The following TBC1D14 variants were observed in gnomAD, a reference collection of about 807,000 sequenced individuals.
TBC1D14 encodes the protein TBC1 domain family member 14, also known as TBC1 domain family, member 14.
Under a neutral mutation model 79.0 loss-of-function variants are expected in TBC1D14, and 26 were observed. The observed-to-expected ratio is 0.33, with a 90% CI of 0.24 to 0.46. The LOEUF is 0.46. Ranked by LOEUF, TBC1D14 falls within the 20% of genes least tolerant of loss-of-function variation. TBC1D14 has a pLI of 1.00. For synonymous variants in TBC1D14, 394 were observed against 349.9 expected, an observed-to-expected ratio of 1.13 and a Z score of -1.40; for missense variants, 769 against 887.6, an observed-to-expected ratio of 0.87 and a Z score of 1.70.
intron 3 of TBC1D14, among the ~76,000 whole-genome samples, chr4:6,978,041 C>T (rs1287905523): frequency 4.6e-5 from 7 of 151,676 alleles, no homozygotes; most frequent in African/African-American, 9.7e-5. Flanking sequence ...GCGACTCCGC[C>T]CGGCAGCCAC....
Position 6,977,077 on chromosome 4 carries a change from C to CTCCTCTCCCTCTCCCCACGG in TBC1D14, c.843+9655_843+9656insCTCTCCCTCTCCCCACGGTC. ...CTCCCTCTCCCTCCTCTCCCTCTCC[C>CTCCTCTCCCTCTCCCCACGG]TCTCCCTCTCCCCACTGTCTCCCTC... On this transcript the variant is annotated intron_variant, in intron 3 of 13. Coordinates refer to ENST00000409757, the MANE Select transcript of TBC1D14 (RefSeq NM_020773.3). Among the ~76,000 whole-genome samples, 30 of 11,426 alleles carry CTCCTCTCCCTCTCCCCACGG rather than the reference C, an allele frequency of 2.6e-3. 5 individuals carry two copies. Among genetic ancestry groups the CTCCTCTCCCTCTCCCCACGG allele is most frequent in the African/African-American group, 3.6e-3 (26 of 7,186 alleles). The allele number at this position is 11,426 out of a possible 152,430, so 7.5% of individuals were successfully genotyped here.
chr4:7,010,079 G>GTAAGTGAGT, intron 10 of TBC1D14, 131 bp downstream of exon 10: 1 of 997,254 alleles, frequency 1.0e-6, no homozygotes, highest in Non-Finnish European at 1.6e-6. Flanking sequence ...AAGTCTCGTG[G>GTAAGTGAGT]TAAGTGAGTT....
At chr4:6,995,836 ATTAAT>A (rs1354594206) in intron 4 of TBC1D14, 2 of 116,786 alleles carry the variant, frequency 1.7e-5, no homozygotes, top group African/African-American at 6.6e-5. Flanking sequence ...TATTTAATTA[ATTAAT>A]TTATTTATTT....
At chr4:6,979,493 C>T (rs759132167) in intron 3 of TBC1D14, among the ~76,000 whole-genome samples, 1 of 152,096 alleles carries the variant, frequency 6.6e-6, no homozygotes, top group African/African-American at 2.4e-5. Flanking sequence ...TGGTGATACA[C>T]ACCTGTAGTC....
At chr4:6,960,280 C>T (rs571719868) in intron 2 of TBC1D14, among the ~76,000 whole-genome samples, 2 of 147,244 alleles carry the variant, frequency 1.4e-5, no homozygotes, top group South Asian at 2.2e-4. Flanking sequence ...TTTGTAGAGA[C>T]AAGGTTTTGC....
chr4:6,953,089 A>G (rs1285526756), intron 2 of TBC1D14, among the ~76,000 whole-genome samples: 1 of 139,732 alleles, frequency 7.2e-6, no homozygotes, highest in African/African-American at 2.7e-5. Context: ...ACAATGGTGC[A>G]ATCTTGGCCC....
intron 3 of TBC1D14, among the ~76,000 whole-genome samples, chr4:6,990,247 C>T (rs948069872): frequency 6.6e-6 from 1 of 152,076 alleles, no homozygotes; most frequent in African/African-American, 2.4e-5. Context: ...TCAGGAGTTC[C>T]AGACCAGCCT....
At chr4:7,010,426 CGGGGTGGGAGCA>C (rs997808756) in intron 10 of TBC1D14, among the ~76,000 whole-genome samples, 102 of 142,350 alleles carry the variant, frequency 7.2e-4, no homozygotes, top group African/African-American at 1.6e-3. Context: ...TTTCCATTTG[CGGGGTGGGAGCA>C]GGGGTGGGAA....
chr4:7,003,909 C>A (rs1352260315), intron 7 of TBC1D14, among the ~76,000 whole-genome samples: 2 of 150,806 alleles, frequency 1.3e-5, no homozygotes, highest in Non-Finnish European at 2.9e-5. Flanking sequence ...GAGGCTGAGG[C>A]AAGAAAATTG....
chr4:7,012,301 C>CA (rs35439827), intron 11 of TBC1D14, among the ~76,000 whole-genome samples: 123 of 121,958 alleles, frequency 1.0e-3, no homozygotes, highest in Middle Eastern at 4.9e-3. Flanking sequence ...GACCCCATCT[C>CA]AAAAAAAAAA....
chr4:6,911,914 C>T (rs1723026694), intron 1 of TBC1D14, among the ~76,000 whole-genome samples: 2 of 152,094 alleles, frequency 1.3e-5, no homozygotes, highest in South Asian at 2.1e-4. Flanking sequence ...CATAACGCAA[C>T]AGGATTTTAG....
chr4:6,925,585 T>C (rs111442248), intron 2 of TBC1D14, among the ~76,000 whole-genome samples: 2,463 of 152,184 alleles, frequency 0.016, 80 homozygotes, highest in African/African-American at 0.056. Context: ...TGTGGTGTGG[T>C]CTGTGGTTTT....
At chr4:7,022,990 T>A (rs189905947) in intron 12 of TBC1D14, among the ~76,000 whole-genome samples, 3 of 152,308 alleles carry the variant, frequency 2.0e-5, no homozygotes, top group Admixed American at 6.5e-5. Context: ...GCGTGGTGGC[T>A]CACGCCTGTA....
intron 12 of TBC1D14, among the ~76,000 whole-genome samples, chr4:7,016,082 T>G (rs531453596): frequency 1.3e-5 from 2 of 152,354 alleles, no homozygotes; most frequent in Non-Finnish European, 2.9e-5. Context: ...TAAAGCAGCC[T>G]TGTCTGTGCC....
chr4:7,025,641 G>A (rs1267372561), intron 13 of TBC1D14, among the ~76,000 whole-genome samples: 1 of 152,276 alleles, frequency 6.6e-6, no homozygotes, highest in Non-Finnish European at 1.5e-5. Flanking sequence ...CACTTACTGA[G>A]CCCCGTGGCC....
intron 12 of TBC1D14, among the ~76,000 whole-genome samples, chr4:7,018,155 A>T (rs1486358172): frequency 6.6e-6 from 1 of 152,170 alleles, no homozygotes; most frequent in Non-Finnish European, 1.5e-5. Flanking sequence ...CCTTTCCCAG[A>T]GACACGTCCA....
At chr4:6,993,038 C>T (rs548715071) in intron 3 of TBC1D14, among the ~76,000 whole-genome samples, 29 of 152,312 alleles carry the variant, frequency 1.9e-4, no homozygotes, top group African/African-American at 7.0e-4. Flanking sequence ...AGAGGCCTTT[C>T]TGGCTAAGAG....
intron 3 of TBC1D14, among the ~76,000 whole-genome samples, chr4:6,969,193 G>A (rs1715993814): frequency 6.6e-6 from 1 of 152,086 alleles, no homozygotes; most frequent in Non-Finnish European, 1.5e-5. Context: ...TATTGTGTAG[G>A]CTTATTAAAA....
intron 2 of TBC1D14, among the ~76,000 whole-genome samples, chr4:6,956,224 G>T (rs541015397): frequency 1.3e-5 from 2 of 152,260 alleles, no homozygotes; most frequent in Admixed American, 6.5e-5. Context: ...ACCTAGATCT[G>T]CGCCTGCGAA....
Sources: allele counts gnomAD v4.1 joint callset (sites outside exome capture counted in the v4.1 genomes callset), GRCh38; gene constraint gnomAD v4.1.1; transcripts MANE v1.5; gene names NCBI Gene and HGNC (gene_info 2026-07-23, HGNC 2026-07-21).